The following LAMA2 variants were observed in gnomAD, a reference collection of about 807,000 sequenced individuals.
LAMA2 encodes laminin subunit alpha-2.
Under a neutral mutation model 364.8 loss-of-function variants are expected in LAMA2, and 269 were observed. The ratio of observed to expected loss-of-function variants is 0.74; its 90% CI spans 0.67 to 0.82. The LOEUF is 0.82. Ranked by LOEUF, LAMA2 falls within the 40% of genes least tolerant of loss-of-function variation. The pLI is 0.00. For missense variants in LAMA2, 3,807 were observed against 3,873.2 expected (o/e 0.98, Z 0.45); for synonymous variants, 1,379 against 1,370.6 (o/e 1.01, Z -0.14).
chr6:129,299,988 G>C (rs963058862), intron 21 of LAMA2, among the ~76,000 whole-genome samples: 11 of 152,108 alleles, frequency 7.2e-5, no homozygotes, highest in African/African-American at 2.4e-4. Flanking sequence ...TTAGTAGCTG[G>C]GTCAACTGCC....
chr6:128,943,403 C>G (rs903593780), intron 1 of LAMA2, among the ~76,000 whole-genome samples: 2 of 151,970 alleles, frequency 1.3e-5, no homozygotes, highest in Non-Finnish European at 2.9e-5. Context: ...CATGCCTCAG[C>G]CTTCTGAGTG....
At chr6:129,006,405 A>G (rs535148331) in intron 1 of LAMA2, among the ~76,000 whole-genome samples, 2 of 152,142 alleles carry the variant, frequency 1.3e-5, no homozygotes, top group Non-Finnish European at 2.9e-5. Context: ...ACCCGATTCA[A>G]ACATTCTTGC....
At chr6:129,221,069 G>A (rs1783800542) in intron 12 of LAMA2, among the ~76,000 whole-genome samples, 1 of 151,620 alleles carries the variant, frequency 6.6e-6, no homozygotes, top group Admixed American at 6.6e-5. Context: ...GGCTGAGGCA[G>A]GAGAATCGCT....
intron 36 of LAMA2, among the ~76,000 whole-genome samples, chr6:129,392,143 C>T (rs1184520081): frequency 6.6e-6 from 1 of 152,070 alleles, no homozygotes; most frequent in Non-Finnish European, 1.5e-5. Flanking sequence ...TAATAAACAC[C>T]TAATACTTTC....
intron 4 of LAMA2, among the ~76,000 whole-genome samples, chr6:129,103,996 G>A (rs1003936953): frequency 6.6e-6 from 1 of 151,764 alleles, no homozygotes; most frequent in Admixed American, 6.6e-5. Context: ...CTCCCTCTCT[G>A]CCTTCCTCCC....
chr6:128,928,698 CA>C (rs1779251239), intron 1 of LAMA2, among the ~76,000 whole-genome samples: 1 of 152,172 alleles, frequency 6.6e-6, no homozygotes, highest in Admixed American at 6.5e-5. Flanking sequence ...CTTTCTGAAT[CA>C]GTGAATAGTA....
chr6:129,017,974 ATT>A (rs1386992348), intron 1 of LAMA2, among the ~76,000 whole-genome samples: 1 of 151,866 alleles, frequency 6.6e-6, no homozygotes, highest in Non-Finnish European at 1.5e-5. Context: ...GAAATCAGAA[ATT>A]TTGTTTCTGA....
At chr6:129,155,876 A>C (rs935708185) in intron 8 of LAMA2, among the ~76,000 whole-genome samples, 1 of 152,042 alleles carries the variant, frequency 6.6e-6, no homozygotes, top group Non-Finnish European at 1.5e-5. Context: ...ATACAATTTT[A>C]GAATCAACTT....
intron 22 of LAMA2, among the ~76,000 whole-genome samples, chr6:129,310,901 G>A (rs1583466001): frequency 6.6e-6 from 1 of 152,132 alleles, no homozygotes; most frequent in East Asian, 1.9e-4. Context: ...GTCGGAGTTT[G>A]TAGGCAAATG....
intron 1 of LAMA2, among the ~76,000 whole-genome samples, chr6:128,993,226 C>A (rs537646947): frequency 2.0e-5 from 3 of 152,194 alleles, no homozygotes; most frequent in Non-Finnish European, 4.4e-5. Flanking sequence ...TAAGCATTCT[C>A]TTTTCCATAT....
intron 12 of LAMA2, among the ~76,000 whole-genome samples, chr6:129,230,388 G>C (rs780000806): frequency 2.0e-5 from 3 of 152,066 alleles, no homozygotes; most frequent in Non-Finnish European, 4.4e-5. Context: ...GTGGATTTAA[G>C]AGAGAATAAG....
At chr6:128,940,928 G>A (rs1448215444) in intron 1 of LAMA2, among the ~76,000 whole-genome samples, 1 of 152,152 alleles carries the variant, frequency 6.6e-6, no homozygotes, top group Non-Finnish European at 1.5e-5. Flanking sequence ...TCCAGGCTGG[G>A]TGACAGAGCA....
chr6:129,082,081 T>C (rs1774094794), intron 3 of LAMA2, among the ~76,000 whole-genome samples: 1 of 152,156 alleles, frequency 6.6e-6, no homozygotes, highest in Non-Finnish European at 1.5e-5. Flanking sequence ...TACTGGATGA[T>C]TGGATTAAAA....
At chr6:129,272,385 CAT>C (rs1395785715) in intron 17 of LAMA2, among the ~76,000 whole-genome samples, 1 of 152,052 alleles carries the variant, frequency 6.6e-6, no homozygotes, top group Non-Finnish European at 1.5e-5. Flanking sequence ...GTGGGAAAGA[CAT>C]AATTAAAATG....
intron 29 of LAMA2, among the ~76,000 whole-genome samples, chr6:129,340,851 AAG>A (rs1562476155): frequency 6.7e-6 from 1 of 150,258 alleles, no homozygotes; most frequent in Admixed American, 6.6e-5. Context: ...AAAAAAAAAA[AAG>A]AGAAAAAGAA....
At chr6:129,473,380 G>T in intron 52 of LAMA2, 28 bp downstream of exon 52, 1 of 1,603,658 alleles carries the variant, frequency 6.2e-7, no homozygotes, top group Non-Finnish European at 8.5e-7. Context: ...TAAAGCTAAG[G>T]ATTAAGTTTT....
rs1353019789 is a variant in LAMA2 at position 129,410,104 on chromosome 6, CAACA to C, written c.5865+6156_5865+6159del. On this transcript the variant is annotated intron_variant, in intron 40 of 64. Transcript: ENST00000421865. ...TGCTTTTCAATCAGGTATATCCAAACAACAAACAAACAAATAAAATAAGACTAAT... is the reference window on the plus strand; with the variant it reads ...TGCTTTTCAATCAGGTATATCCAAACAACAAACAAATAAAATAAGACTAAT... 6.0e-4 allele frequency among the ~76,000 whole-genome samples: 91 copies of C among 152,150 alleles called. 2 individuals are homozygous for C. The highest frequency in any genetic ancestry group is 6.5e-4 in the Admixed American group (10 of 15,272).
intron 12 of LAMA2, among the ~76,000 whole-genome samples, chr6:129,244,728 A>G (rs984087230): frequency 2.9e-4 from 44 of 151,126 alleles, no homozygotes; most frequent in African/African-American, 1.0e-3. Context: ...ATTGAGAGGG[A>G]AAAAAAAAGA....
chr6:129,289,387 T>G (rs1789519272), intron 19 of LAMA2, among the ~76,000 whole-genome samples: 1 of 152,180 alleles, frequency 6.6e-6, no homozygotes, highest in South Asian at 2.1e-4. Flanking sequence ...ATGAATTTTC[T>G]GTGGGGACTA....
Sources: gnomAD v4.1 joint callset for allele counts (sites outside exome capture counted in the v4.1 genomes callset) on GRCh38, gnomAD v4.1.1 for gene constraint, MANE v1.5 for transcripts, NCBI Gene and HGNC (gene_info 2026-07-23, HGNC 2026-07-21) for gene names.